Variants in INPP4B observed in about 807,000 individuals in gnomAD.
INPP4B encodes the protein inositol polyphosphate 4-phosphatase type II.
A neutral mutation model predicts 122.5 loss-of-function variants in INPP4B; 55 were observed. The ratio of observed to expected loss-of-function variants is 0.45; its 90% CI spans 0.36 to 0.56. The LOEUF is 0.56. INPP4B is among the 20% of genes least tolerant of loss of function. The pLI, the probability that INPP4B is intolerant of heterozygous loss-of-function variation, is 0.00. For missense variants in INPP4B, 1,000 were observed against 1,097.7 expected (o/e 0.91, Z 1.26); for synonymous variants, 403 against 388.7 (o/e 1.04, Z -0.43).
chr4:142,564,407 A>G (rs1391633412), intron 2 of INPP4B, among the ~76,000 whole-genome samples: 1 of 147,298 alleles, frequency 6.8e-6, no homozygotes, highest in Non-Finnish European at 1.5e-5. Context: ...ACAGGAATTT[A>G]TAGTAGAAAA....
chr4:142,492,268 A>C (rs1821976962), intron 2 of INPP4B, among the ~76,000 whole-genome samples: 1 of 152,110 alleles, frequency 6.6e-6, no homozygotes, highest in Non-Finnish European at 1.5e-5. Context: ...GGTATGTCTT[A>C]ATGAGCAGTG....
intron 8 of INPP4B, among the ~76,000 whole-genome samples, chr4:142,308,109 C>T (rs1764133287): frequency 6.6e-6 from 1 of 152,210 alleles, no homozygotes; most frequent in Admixed American, 6.5e-5. Context: ...TGTCCATCTC[C>T]TAGCTGAGCC....
At chr4:142,068,427 C>T (rs1472301354) in intron 25 of INPP4B, among the ~76,000 whole-genome samples, 5 of 152,102 alleles carry the variant, frequency 3.3e-5, no homozygotes, top group East Asian at 1.9e-4. Flanking sequence ...CATCAACTAA[C>T]GAGCAAAATA....
At chr4:142,537,419 TATATATATATAGAGAGAG>T (rs1419716434) in intron 2 of INPP4B, among the ~76,000 whole-genome samples, 119 of 52,152 alleles carry the variant, frequency 2.3e-3, no homozygotes, top group Admixed American at 7.4e-3. Flanking sequence ...TATATATATA[TATATATATATAGAGAGAG>T]AGAGAGAGAG....
chr4:142,526,804 C>G (rs1355150997), intron 2 of INPP4B, among the ~76,000 whole-genome samples: 2 of 151,982 alleles, frequency 1.3e-5, no homozygotes, highest in Non-Finnish European at 2.9e-5. Context: ...GAAACAAAAT[C>G]TATAAAATAT....
intron 2 of INPP4B, among the ~76,000 whole-genome samples, chr4:142,561,126 T>C (rs1473243321): frequency 6.6e-6 from 1 of 152,188 alleles, no homozygotes; most frequent in Non-Finnish European, 1.5e-5. Context: ...TCACTAATAG[T>C]ATAATTTACA....
chr4:142,319,297 C>T (rs1372945042), intron 7 of INPP4B, among the ~76,000 whole-genome samples: 2 of 152,164 alleles, frequency 1.3e-5, no homozygotes, highest in Non-Finnish European at 2.9e-5. Context: ...AGCCCAGATG[C>T]TCTTCCTAGA....
At chr4:142,245,727 G>A (rs555162619) in intron 11 of INPP4B, among the ~76,000 whole-genome samples, 2 of 151,320 alleles carry the variant, frequency 1.3e-5, no homozygotes, top group African/African-American at 2.4e-5. Flanking sequence ...GATGTGTGGC[G>A]TTATTTCTGA....
At position 142,270,652 on chromosome 4, in the gene INPP4B, T is replaced by G; in HGVS notation, c.615+11A>C. The G allele has an allele frequency of 1.6e-4, 236 of 1,466,300 alleles. No individual in the cohort carries two copies. The highest frequency in any genetic ancestry group is 2.1e-4 in the Non-Finnish European group (215 of 1,044,878). 90.8% of individuals were successfully genotyped at this position (1,466,300 alleles called of 1,614,324 possible). On this transcript the variant is annotated intron_variant, in intron 10 of 25. Transcript: ENST00000262992. ...AATTTAATTTGTACAATGAGCAGAC[T>G]GAGATCCTACCTTTTGTCCCTGTAC...
At chr4:142,091,593 C>T (rs747200694) in intron 23 of INPP4B, among the ~76,000 whole-genome samples, 62 of 152,172 alleles carry the variant, frequency 4.1e-4, no homozygotes, top group Non-Finnish European at 7.8e-4. Context: ...CGTGCAGTCA[C>T]ACACCCCAGT....
At chr4:142,511,583 T>C (rs1005694091) in intron 2 of INPP4B, among the ~76,000 whole-genome samples, 1 of 152,172 alleles carries the variant, frequency 6.6e-6, no homozygotes, top group Non-Finnish European at 1.5e-5. Context: ...CAGTGGTTCT[T>C]ACCTTTGGTC....
intron 18 of INPP4B, among the ~76,000 whole-genome samples, chr4:142,125,959 A>G (rs1355666760): frequency 6.6e-6 from 1 of 152,148 alleles, no homozygotes; most frequent in Non-Finnish European, 1.5e-5. Flanking sequence ...TTTGGGTAGT[A>G]TTTGGGATTC....
In INPP4B at chr4:142,692,936, T is replaced by TAGATAGATAGATAGATAGAC. The variant is rs934213027; in HGVS notation, c.-191+32902_-191+32903insGTCTATCTATCTATCTATCT. Among the ~76,000 whole-genome samples the TAGATAGATAGATAGATAGAC allele has an allele frequency of 2.4e-3, 357 of 150,270 alleles. 3 individuals are homozygous for TAGATAGATAGATAGATAGAC. Among genetic ancestry groups the TAGATAGATAGATAGATAGAC allele is most frequent in the African/African-American group, 8.5e-3 (340 of 40,184 alleles). On this transcript the variant is annotated intron_variant, in intron 2 of 25. Coordinates refer to ENST00000262992, the MANE Select transcript of INPP4B (RefSeq NM_001101669.3). Reference sequence around the variant, plus strand: ...CTCTATAGATAGATAGATAGATAGATACATAGATACATAGATAGAGATAGA... The same window carrying TAGATAGATAGATAGATAGAC: ...CTCTATAGATAGATAGATAGATAGATAGATAGATAGATAGATAGACACATAGATACATAGATAGAGATAGA...
At position 142,833,350 on chromosome 4, in the gene INPP4B, A is replaced by T. The variant is rs188431018; in HGVS notation, c.-254+12859T>A. On this transcript the variant is annotated intron_variant, in intron 1 of 25. Coordinates refer to ENST00000262992, the MANE Select transcript of INPP4B (RefSeq NM_001101669.3). The stretch of plus-strand genomic sequence containing the variant: ...AACAGGCAGCTAAATAAAAGTAAAT[A>T]TTCTTCTCTATTAAATATGCTCAGC... Among the ~76,000 whole-genome samples the T allele has an allele frequency of 5.0e-3, 762 of 152,238 alleles. 1 individual carries two copies. The highest frequency in any genetic ancestry group is 0.027 in the Middle Eastern group (8 of 292).
At chr4:142,642,060 G>A (rs1265645675) in intron 2 of INPP4B, among the ~76,000 whole-genome samples, 4 of 152,196 alleles carry the variant, frequency 2.6e-5, no homozygotes, top group South Asian at 2.1e-4. Flanking sequence ...CTGCATTGAT[G>A]TCTTCTTTTG....
rs919671807 is a variant in INPP4B at position 142,646,055 on chromosome 4, G to A, written c.-191+79784C>T. Among the ~76,000 whole-genome samples the A allele has an allele frequency of 1.1e-4, 17 of 152,270 alleles. 1 individual carries two copies. The highest frequency in any genetic ancestry group is 4.1e-4 in the African/African-American group (17 of 41,550). On this transcript the variant is annotated intron_variant, in intron 2 of 25. Coordinates refer to ENST00000262992, the MANE Select transcript of INPP4B (RefSeq NM_001101669.3). ...TATCCTGTGGCCAGGGTAAACTGAA[G>A]GATGACTGCAAAGGAGAACAAGAGC...
At chr4:142,261,030 CA>C (rs1198411429) in intron 10 of INPP4B, among the ~76,000 whole-genome samples, 1 of 152,172 alleles carries the variant, frequency 6.6e-6, no homozygotes, top group Non-Finnish European at 1.5e-5. Context: ...TTGCCTCCAG[CA>C]AAACAACGCA....
At chr4:142,715,655 G>A (rs1323563758) in intron 2 of INPP4B, among the ~76,000 whole-genome samples, 2 of 152,218 alleles carry the variant, frequency 1.3e-5, no homozygotes, top group Non-Finnish European at 2.9e-5. Context: ...GTCTGACAGT[G>A]TAGCAGAAGA....
At chr4:142,259,984 T>C (rs941533332) in intron 11 of INPP4B, among the ~76,000 whole-genome samples, 1 of 151,690 alleles carries the variant, frequency 6.6e-6, no homozygotes, top group African/African-American at 2.4e-5. Flanking sequence ...TGATATTTGT[T>C]TTTTGTTCAT....
Sources: allele counts gnomAD v4.1 joint callset (sites outside exome capture counted in the v4.1 genomes callset), GRCh38; gene constraint gnomAD v4.1.1; transcripts MANE v1.5; gene names NCBI Gene and HGNC (gene_info 2026-07-23, HGNC 2026-07-21).